The following GALNT18 variants were observed in gnomAD, a reference collection of about 807,000 sequenced individuals.
The protein encoded by GALNT18 is GalNAc-transferase 18.
GALNT18 carries 44 observed loss-of-function variants against 69.5 expected under a neutral mutation model. The ratio of observed to expected loss-of-function variants is 0.63; its 90% CI spans 0.50 to 0.81. The LOEUF (loss-of-function observed/expected upper bound fraction) is 0.81. Among genes scored for constraint, GALNT18 ranks in the 40% least tolerant of loss-of-function variants. The pLI is 0.00. For synonymous variants in GALNT18, 364 were observed against 318.2 expected (o/e 1.14, Z -1.53); for missense variants, 715 against 810.0 (o/e 0.88, Z 1.42).
rs1855497387 is a variant in GALNT18 at position 11,439,818 on chromosome 11, T to C, written c.429-7031A>G. 6.6e-6 allele frequency among the ~76,000 whole-genome samples: 1 copy of C among 152,156 alleles called. No individual in the cohort carries two copies. Among genetic ancestry groups the C allele is most frequent in the East Asian group, 1.9e-4 (1 of 5,194 alleles). On this transcript the variant is annotated intron_variant, in intron 2 of 10. Coordinates refer to ENST00000227756, the MANE Select transcript of GALNT18 (RefSeq NM_198516.3). This position sits in a 1 kb window ranked among gnomAD's most constrained non-coding sequence, Gnocchi z 4.4. The stretch of plus-strand genomic sequence containing the variant: ...GGGAATGGAATCACTGAGTTGTACA[T>C]TTACTCCCTGCCTGACTGCAGCAAT...
intron 1 of GALNT18, among the ~76,000 whole-genome samples, chr11:11,552,898 C>A (rs1434353488): frequency 6.6e-6 from 1 of 152,170 alleles, no homozygotes; most frequent in Non-Finnish European, 1.5e-5. Flanking sequence ...GCCCCTGACA[C>A]CCCACCCACA....
Position 11,465,177 on chromosome 11 carries a change from C to T in GALNT18, c.236-16241G>A, listed in dbSNP as rs1238729380. On this transcript the variant is annotated intron_variant, in intron 1 of 10. Transcript: ENST00000227756. This position sits in a 1 kb window ranked among gnomAD's most constrained non-coding sequence, Gnocchi z 5.7. ...GGGATGCCTGAGGAAGGTCTGTTCC[C>T]AGATCCTCAGCCCCATTCCTGCTGA... Among the ~76,000 whole-genome samples, 4 of 152,130 alleles carry T rather than the reference C, an allele frequency of 2.6e-5. No homozygotes were observed. The highest frequency in any genetic ancestry group is 5.9e-5 in the Non-Finnish European group (4 of 68,020).
intron 1 of GALNT18, among the ~76,000 whole-genome samples, chr11:11,608,669 T>C (rs79376408): frequency 0.14 from 22,022 of 152,160 alleles, 2,055 homozygotes; most frequent in Middle Eastern, 0.22. Flanking sequence ...CCGATTGTCT[T>C]CATTTCTATG....
intron 10 of GALNT18, among the ~76,000 whole-genome samples, chr11:11,280,149 G>A (rs767081953): frequency 7.2e-5 from 11 of 152,064 alleles, no homozygotes; most frequent in Admixed American, 2.6e-4. Context: ...GGCACCCCCC[G>A]CCCGGGGAGT....
intron 1 of GALNT18, among the ~76,000 whole-genome samples, chr11:11,498,786 G>A (rs1306124586): frequency 1.3e-5 from 2 of 152,162 alleles, no homozygotes; most frequent in Non-Finnish European, 2.9e-5. Flanking sequence ...GCAACAGAGT[G>A]AGACTCCATC....
rs1029825975 is a variant in GALNT18, at chr11:11,590,713, G to A, written c.235+30646C>T. Among the ~76,000 whole-genome samples the A allele has an allele frequency of 1.3e-5, 2 of 152,116 alleles. No individual in the cohort carries two copies. The highest frequency in any genetic ancestry group is 3.9e-4 in the East Asian group (2 of 5,186). On this transcript the variant is annotated intron_variant, in intron 1 of 10. Transcript: ENST00000227756. This position sits in a 1 kb window ranked among gnomAD's most constrained non-coding sequence, Gnocchi z 4.4. ...ATGACAGAACACATATACAATGGTG[G>A]TCCCGTAAGATTACAATGGAGCCCA... is the stretch of plus-strand genomic sequence containing the variant.
At chr11:11,611,934 C>A (rs888865635) in intron 1 of GALNT18, among the ~76,000 whole-genome samples, 1 of 152,164 alleles carries the variant, frequency 6.6e-6, no homozygotes, top group Non-Finnish European at 1.5e-5. Flanking sequence ...TCCTTGTAGA[C>A]ACAAATGTAA....
At chr11:11,401,759 C>T (rs1165472003) in intron 3 of GALNT18, among the ~76,000 whole-genome samples, 1 of 152,206 alleles carries the variant, frequency 6.6e-6, no homozygotes, top group Non-Finnish European at 1.5e-5. Context: ...TGCCTGTGTG[C>T]CAGGCTCTGT....
chr11:11,300,303 C>T (rs1030031525), intron 9 of GALNT18, among the ~76,000 whole-genome samples: 5 of 152,068 alleles, frequency 3.3e-5, no homozygotes, highest in South Asian at 2.1e-4. Flanking sequence ...CAGCAGTGAT[C>T]GTCTTTGGCT....
chr11:11,563,696 TC>T lies in GALNT18; in HGVS notation c.235+57662del. ...GGCAAGTGGGATTCAAACCCAGGCT[TC>T]CCAACGCCAAGTCTAACACTCTCTC... On this transcript the variant is annotated intron_variant, in intron 1 of 10. Coordinates refer to ENST00000227756, the MANE Select transcript of GALNT18 (RefSeq NM_198516.3). The surrounding 1 kb of genome is among the most constrained non-coding windows in gnomAD (Gnocchi z 4.6). 6.6e-6 allele frequency among the ~76,000 whole-genome samples: 1 copy of T among 152,290 alleles called. No homozygotes were observed. Among genetic ancestry groups the T allele is most frequent in the Non-Finnish European group, 1.5e-5 (1 of 68,032 alleles).
At chr11:11,593,581 T>G (rs749169654) in intron 1 of GALNT18, among the ~76,000 whole-genome samples, 1 of 152,212 alleles carries the variant, frequency 6.6e-6, no homozygotes, top group African/African-American at 2.4e-5. Flanking sequence ...ACATCTAATT[T>G]TTTTTTCTAC....
chr11:11,421,831 A>G lies in GALNT18; in HGVS notation c.595+10790T>C, dbSNP rs1855013282. Among the ~76,000 whole-genome samples the G allele has an allele frequency of 6.6e-6, 1 of 152,158 alleles. No homozygotes were observed. The highest frequency in any genetic ancestry group is 1.5e-5 in the Non-Finnish European group (1 of 68,040). On this transcript the variant is annotated intron_variant, in intron 3 of 10. Coordinates refer to ENST00000227756, the MANE Select transcript of GALNT18 (RefSeq NM_198516.3). The surrounding 1 kb of genome is among the most constrained non-coding windows in gnomAD (Gnocchi z 5.6). ...CTTGGCCAAAAGGTGCCTTCTCTGG[A>G]CTATGCAGTTAGAAAAGGCACTTTG...
intron 10 of GALNT18, among the ~76,000 whole-genome samples, chr11:11,279,028 A>C (rs1160425763): frequency 6.6e-6 from 1 of 152,178 alleles, no homozygotes; most frequent in African/African-American, 2.4e-5. Context: ...TGTGATCCCC[A>C]GGGTTGCAGG....
chr11:11,393,117 A>T (rs969187508), intron 3 of GALNT18, among the ~76,000 whole-genome samples: 9 of 152,314 alleles, frequency 5.9e-5, no homozygotes, highest in African/African-American at 1.9e-4. Context: ...GCTGACCCTC[A>T]GTTTGGGGAT....
chr11:11,372,620 G>A lies in GALNT18; in HGVS notation c.987C>T (p.Ala329=), dbSNP rs759625277. The stretch of plus-strand genomic sequence containing the variant: ...GGTCCACAATGAAGCAGCCAATGAG[G>A]GCAGGGCTCCTGCAGGGGCAGGGGA... The part of the protein sequence containing the change: ...ENSTAPIRSP[A]LIGCFIVDRQ... Residue 329 remains alanine, a synonymous_variant, in exon 6 of 11, where the codon GCC becomes GCT. Coordinates refer to ENST00000227756, the MANE Select transcript of GALNT18 (RefSeq NM_198516.3). The surrounding 1 kb of genome is among the most constrained non-coding windows in gnomAD (Gnocchi z 4.9). 6.2e-7 allele frequency: 1 copy of A among 1,614,066 alleles called. No individual in the cohort carries two copies. Among genetic ancestry groups the A allele is most frequent in the Admixed American group, 1.7e-5 (1 of 60,032 alleles).
chr11:11,443,793 C>T (rs1855584994), intron 2 of GALNT18, among the ~76,000 whole-genome samples: 1 of 152,208 alleles, frequency 6.6e-6, no homozygotes, highest in Non-Finnish European at 1.5e-5. Context: ...AGTGTCCTGC[C>T]TCCCCCAGTT....
Position 11,511,373 on chromosome 11 carries a change from G to T in GALNT18, c.236-62437C>A, listed in dbSNP as rs1176079455. On this transcript the variant is annotated intron_variant, in intron 1 of 10. Transcript: ENST00000227756. The surrounding 1 kb of genome is among the most constrained non-coding windows in gnomAD (Gnocchi z 4.9). Reference sequence around the variant, plus strand: ...CTGCAAAGAGCTACAGCTCAAGGTTGCTGTGTCCCCGCAGCCAAGGCTGAA... The same window carrying T: ...CTGCAAAGAGCTACAGCTCAAGGTTTCTGTGTCCCCGCAGCCAAGGCTGAA... Among the ~76,000 whole-genome samples, 4 of 152,172 alleles carry T rather than the reference G, an allele frequency of 2.6e-5. No individual in the cohort carries two copies. The highest frequency in any genetic ancestry group is 4.1e-4 in the South Asian group (2 of 4,830).
Position 11,606,181 on chromosome 11 carries a change from C to T in GALNT18, c.235+15178G>A, listed in dbSNP as rs552211907. ...CCACCTCTTACTGAGAGGTTTTAGGCAGCTGGTTTATTTATTCATGTGTTT... is the reference window on the plus strand; with the variant it reads ...CCACCTCTTACTGAGAGGTTTTAGGTAGCTGGTTTATTTATTCATGTGTTT... On this transcript the variant is annotated intron_variant, in intron 1 of 10. Coordinates refer to ENST00000227756, the MANE Select transcript of GALNT18 (RefSeq NM_198516.3). This position sits in a 1 kb window ranked among gnomAD's most constrained non-coding sequence, Gnocchi z 5.4. 6.6e-6 allele frequency among the ~76,000 whole-genome samples: 1 copy of T among 152,244 alleles called. No individual in the cohort carries two copies. The highest frequency in any genetic ancestry group is 2.1e-4 in the South Asian group (1 of 4,810).
intron 1 of GALNT18, among the ~76,000 whole-genome samples, chr11:11,473,739 G>C (rs1251512175): frequency 1.3e-5 from 2 of 152,192 alleles, no homozygotes; most frequent in Non-Finnish European, 2.9e-5. Context: ...CCTATTGCAT[G>C]TCAGGCACCT....
Sources: allele counts gnomAD v4.1 joint callset (sites outside exome capture counted in the v4.1 genomes callset), GRCh38; gene constraint gnomAD v4.1.1; non-coding constraint Gnocchi (gnomAD v3.1); transcripts MANE v1.5; gene names NCBI Gene and HGNC (gene_info 2026-07-23, HGNC 2026-07-21).